The following UBAC2 variants were observed in gnomAD, a reference collection of about 807,000 sequenced individuals.
UBAC2 encodes the protein UBA domain containing 2.
In UBAC2, 26 loss-of-function variants were observed where a neutral mutation model predicts 44.0. The observed-to-expected ratio is 0.59, with a 90% CI of 0.43 to 0.82. The LOEUF (loss-of-function observed/expected upper bound fraction) is 0.82, where lower values mean the gene tolerates loss of function less well. Ranked by LOEUF, UBAC2 falls within the 40% of genes least tolerant of loss-of-function variation. The pLI is 0.00. For missense variants in UBAC2, 329 were observed against 419.4 expected, an observed-to-expected ratio of 0.78 and a Z score of 1.88; for synonymous variants, 155 against 154.3, an observed-to-expected ratio of 1.00 and a Z score of -0.04.
At chr13:99,287,627 T>C (rs936236535) in intron 4 of UBAC2, among the ~76,000 whole-genome samples, 6 of 145,120 alleles carry the variant, frequency 4.1e-5, no homozygotes, top group Admixed American at 2.1e-4. Context: ...CTTTCTTTCT[T>C]CTTTTTTTTT....
intron 1 of UBAC2, among the ~76,000 whole-genome samples, chr13:99,230,477 A>G (rs1234856172): frequency 6.6e-6 from 1 of 152,150 alleles, no homozygotes; most frequent in African/African-American, 2.4e-5. Flanking sequence ...TCCTCAATAA[A>G]TAAATAAATA....
intron 4 of UBAC2, chr13:99,258,343 C>G (rs919801373): frequency 3.3e-5 from 5 of 152,192 alleles, no homozygotes; most frequent in Admixed American, 1.3e-4. Context: ...CGCTTGGCGT[C>G]GGAGTTGGTG....
At chr13:99,321,311 G>A (rs1226718042) in intron 6 of UBAC2, among the ~76,000 whole-genome samples, 1 of 152,036 alleles carries the variant, frequency 6.6e-6, no homozygotes, top group Non-Finnish European at 1.5e-5. Flanking sequence ...TTTTGTTTAG[G>A]CTAGCTTTTT....
chr13:99,314,038 T>C, intron 4 of UBAC2, 59 bp from the exon 5 acceptor site: 1 of 1,505,864 alleles, frequency 6.6e-7, no homozygotes, highest in Middle Eastern at 1.7e-4. Context: ...CAAAGATACA[T>C]CTGCCATTTG....
chr13:99,335,331 G>C (rs987921516), intron 6 of UBAC2, among the ~76,000 whole-genome samples: 1 of 151,110 alleles, frequency 6.6e-6, no homozygotes, highest in African/African-American at 2.4e-5. Context: ...TTTTATATCA[G>C]ATCTTCAGAA....
intron 4 of UBAC2, chr13:99,294,889 C>T (rs1202631884): frequency 3.2e-6 from 2 of 623,882 alleles, no homozygotes; most frequent in Non-Finnish European, 5.4e-6. Context: ...ATGTTGTTTG[C>T]TTTATGTTGT....
At chr13:99,275,329 A>G (rs1013257786) in intron 4 of UBAC2, among the ~76,000 whole-genome samples, 5 of 152,168 alleles carry the variant, frequency 3.3e-5, no homozygotes, top group African/African-American at 1.2e-4. Flanking sequence ...CATAGCAGCT[A>G]TTACAGCTTC....
chr13:99,248,555 T>G (rs1295484199), intron 4 of UBAC2, among the ~76,000 whole-genome samples: 1 of 152,228 alleles, frequency 6.6e-6, no homozygotes, highest in East Asian at 1.9e-4. Flanking sequence ...CTATTTTTTT[T>G]GTATTTTTAA....
chr13:99,365,811 C>A (rs917948538), intron 7 of UBAC2, among the ~76,000 whole-genome samples: 6 of 152,148 alleles, frequency 3.9e-5, no homozygotes, highest in African/African-American at 1.2e-4. Context: ...TCTGGTTGAT[C>A]TATCAGTTAC....
intron 4 of UBAC2, among the ~76,000 whole-genome samples, chr13:99,270,177 A>G (rs1807545710): frequency 6.6e-6 from 1 of 152,220 alleles, no homozygotes; most frequent in Admixed American, 6.5e-5. Context: ...TTAACTACGT[A>G]AGGTGAGGCA....
chr13:99,216,801 T>A lies in UBAC2; in HGVS notation c.31+15862T>A, dbSNP rs7997400. ...GAATTTTACCTGGTGGTCTTCTTGGTTTTGTCGTTTTTGTTGGACTCTTTT... is the reference window on the plus strand; with the variant it reads ...GAATTTTACCTGGTGGTCTTCTTGGATTTGTCGTTTTTGTTGGACTCTTTT... On this transcript the variant is annotated intron_variant, in intron 1 of 8. Coordinates refer to ENST00000403766, the MANE Select transcript of UBAC2 (RefSeq NM_001144072.2). 2.4e-3 allele frequency among the ~76,000 whole-genome samples: 368 copies of A among 151,806 alleles called. 1 individual carries two copies. The highest frequency in any genetic ancestry group is 8.3e-3 in the African/African-American group (342 of 41,440).
intron 1 of UBAC2, among the ~76,000 whole-genome samples, chr13:99,238,110 A>C (rs1239381301): frequency 1.3e-5 from 2 of 152,334 alleles, no homozygotes. Flanking sequence ...ATAGAAACAC[A>C]CTTCTCTATT....
intron 8 of UBAC2, among the ~76,000 whole-genome samples, chr13:99,374,754 A>G (rs73570164): frequency 1.9e-3 from 285 of 152,210 alleles, no homozygotes; most frequent in African/African-American, 6.6e-3. Flanking sequence ...ATGGCAGCAC[A>G]TTGGGTATTG....
At chr13:99,372,596 G>GA (rs1280308921) in intron 8 of UBAC2, 1 of 152,272 alleles carries the variant, frequency 6.6e-6, no homozygotes, top group Non-Finnish European at 1.5e-5. Context: ...AGCTGCTGGA[G>GA]AAAGACAGGT....
At chr13:99,245,608 C>T (rs764801832) in intron 4 of UBAC2, among the ~76,000 whole-genome samples, 16 of 152,116 alleles carry the variant, frequency 1.1e-4, no homozygotes, top group Non-Finnish European at 8.8e-5. Flanking sequence ...TTTGGGAGGC[C>T]GAGGTGGGCG....
intron 7 of UBAC2, among the ~76,000 whole-genome samples, chr13:99,364,992 CA>C: frequency 6.6e-6 from 1 of 152,268 alleles, no homozygotes; most frequent in Middle Eastern, 3.4e-3. Context: ...ACATATGGCT[CA>C]GCTTAAGTAG....
At chr13:99,208,589 C>G (rs2042902417) in intron 1 of UBAC2, among the ~76,000 whole-genome samples, 1 of 152,142 alleles carries the variant, frequency 6.6e-6, no homozygotes, top group Non-Finnish European at 1.5e-5. Flanking sequence ...ATTAGACTTT[C>G]CCCCCTTTTT....
In UBAC2 at chr13:99,236,678, C is replaced by T. The variant is rs1311394989; in HGVS notation, c.32-1749C>T. On this transcript the variant is annotated intron_variant, in intron 1 of 8. Transcript: ENST00000403766. ...CAGCCTGGCCAACTTGGTGAAACCC[C>T]GTCTCTACTAAAAATACAGAAATTA... is the stretch of plus-strand genomic sequence containing the variant. Among the ~76,000 whole-genome samples, 7 of 152,132 alleles carry T rather than the reference C, an allele frequency of 4.6e-5. No homozygotes were observed. In the East Asian group the frequency reaches 9.7e-4, roughly 21 times the overall value.
At chr13:99,288,197 C>G (rs2044044952) in intron 4 of UBAC2, among the ~76,000 whole-genome samples, 1 of 152,150 alleles carries the variant, frequency 6.6e-6, no homozygotes, top group Non-Finnish European at 1.5e-5. Context: ...AAAAGTCATT[C>G]TTGTACAGAA....
Sources: gnomAD v4.1 joint callset for allele counts (sites outside exome capture counted in the v4.1 genomes callset) on GRCh38, gnomAD v4.1.1 for gene constraint, MANE v1.5 for transcripts, NCBI Gene and HGNC (gene_info 2026-07-23, HGNC 2026-07-21) for gene names.